Variants in DLGAP2 observed in about 807,000 individuals in gnomAD.
The protein encoded by DLGAP2 is disks large-associated protein 2.
In DLGAP2, 26 loss-of-function variants were observed where a neutral mutation model predicts 100.3. The observed-to-expected ratio is 0.26, with a 90% CI of 0.19 to 0.36. The LOEUF is 0.36. Ranked by LOEUF, DLGAP2 falls within the 10% of genes least tolerant of loss-of-function variation. The pLI is 1.00. For missense variants in DLGAP2, 1,858 were observed against 1,453.2 expected, an observed-to-expected ratio of 1.28 and a Z score of -4.53; for synonymous variants, 886 against 630.1, an observed-to-expected ratio of 1.41 and a Z score of -6.08.
chr8:1,207,381 C>T (rs1444695344), intron 2 of DLGAP2, among the ~76,000 whole-genome samples: 1 of 152,218 alleles, frequency 6.6e-6, no homozygotes, highest in African/African-American at 2.4e-5. Context: ...TCTCCAACTC[C>T]ATCCAGGCTG....
chr8:1,337,165 G>A (rs1304643360), intron 3 of DLGAP2, among the ~76,000 whole-genome samples: 1 of 149,706 alleles, frequency 6.7e-6, no homozygotes, highest in Non-Finnish European at 1.5e-5. Flanking sequence ...TGATGATGGT[G>A]GTGATGATGA....
At chr8:1,324,961 G>A (rs1308648248) in intron 3 of DLGAP2, among the ~76,000 whole-genome samples, 1 of 152,174 alleles carries the variant, frequency 6.6e-6, no homozygotes, top group Non-Finnish European at 1.5e-5. Flanking sequence ...GGCAGACTCG[G>A]GATGAGAATT....
chr8:1,274,695 CTTTTTTTTTTTTT>C (rs145930765), intron 3 of DLGAP2, among the ~76,000 whole-genome samples: 3 of 22,222 alleles, frequency 1.4e-4, no homozygotes, highest in African/African-American at 2.3e-4. Flanking sequence ...TTTCATTTAT[CTTTTTTTTTTTTT>C]TTTTTTTTTT....
intron 2 of DLGAP2, among the ~76,000 whole-genome samples, chr8:1,124,174 A>C (rs1796112975): frequency 6.6e-6 from 1 of 152,224 alleles, no homozygotes; most frequent in African/African-American, 2.4e-5. Context: ...GACTGATTCA[A>C]TTCTCATAGC....
At chr8:1,390,378 C>A (rs1378547925) in intron 3 of DLGAP2, among the ~76,000 whole-genome samples, 2 of 151,074 alleles carry the variant, frequency 1.3e-5, no homozygotes, top group African/African-American at 4.9e-5. Flanking sequence ...CTTTTTTTTT[C>A]ATTTTCTTCC....
rs1346417527 is a variant in DLGAP2, at chr8:775,406, G to A, written c.18+37581G>A. 2.7e-5 allele frequency among the ~76,000 whole-genome samples: 4 copies of A among 147,526 alleles called. No individual in the cohort carries two copies. The Admixed American group carries it at 2.7e-4, about 10-fold the overall frequency. ...ACTGTGTTGAATAGGAGTGGTGAGAGAGGGCATCCCTGTCTTGTGCCAGTT... is the reference window on the plus strand; with the variant it reads ...ACTGTGTTGAATAGGAGTGGTGAGAAAGGGCATCCCTGTCTTGTGCCAGTT... On this transcript the variant is annotated intron_variant, in intron 1 of 14. Coordinates refer to ENST00000637795, the MANE Select transcript of DLGAP2 (RefSeq NM_001346810.2).
intron 1 of DLGAP2, among the ~76,000 whole-genome samples, chr8:763,150 G>T (rs562958487): frequency 6.6e-6 from 1 of 152,200 alleles, no homozygotes; most frequent in Non-Finnish European, 1.5e-5. Flanking sequence ...ACGAAGCTGA[G>T]CCCAGGCTGA....
intron 6 of DLGAP2, among the ~76,000 whole-genome samples, chr8:1,579,855 T>A (rs1803153544): frequency 1.3e-5 from 2 of 152,168 alleles, no homozygotes; most frequent in African/African-American, 4.8e-5. Context: ...GTGGGGGCAC[T>A]AAGGAAGCCC....
At chr8:1,459,405 G>C (rs1234518089) in intron 3 of DLGAP2, among the ~76,000 whole-genome samples, 2 of 152,246 alleles carry the variant, frequency 1.3e-5, no homozygotes, top group Non-Finnish European at 2.9e-5. Context: ...CACGTTCAGA[G>C]ATTGTCACTT....
At chr8:1,177,341 C>G (rs1031137030) in intron 2 of DLGAP2, among the ~76,000 whole-genome samples, 1 of 152,066 alleles carries the variant, frequency 6.6e-6, no homozygotes, top group Non-Finnish European at 1.5e-5. Context: ...ATATCATAAG[C>G]CTGGCTGTTT....
At chr8:1,585,341 G>A (rs28758512) in intron 6 of DLGAP2, among the ~76,000 whole-genome samples, 86,913 of 151,790 alleles carry the variant, frequency 0.57, 25,773 homozygotes, top group African/African-American at 0.74. Flanking sequence ...GCCCGTGCCT[G>A]TAATCCCAGG....
At chr8:777,538 C>T (rs1220590296) in intron 1 of DLGAP2, among the ~76,000 whole-genome samples, 2 of 151,744 alleles carry the variant, frequency 1.3e-5, no homozygotes, top group Non-Finnish European at 2.9e-5. Flanking sequence ...TCTTTTAGGG[C>T]AGGCCTGGTG....
rs903799264 is a variant in DLGAP2 at position 1,155,197 on chromosome 8, G to C, written c.74-103654G>C. On this transcript the variant is annotated intron_variant, in intron 2 of 14. Transcript: ENST00000637795. ...TCTCTCCTCTGCCCAGCACACACCA[G>C]GGTTTCTAGGAACGCTTGCTGGATG... Among the ~76,000 whole-genome samples the C allele has an allele frequency of 2.6e-5, 4 of 152,196 alleles. No homozygotes were observed. In the South Asian group the frequency reaches 6.2e-4, roughly 24 times the overall value.
intron 3 of DLGAP2, among the ~76,000 whole-genome samples, chr8:1,312,739 A>G (rs1199793395): frequency 6.6e-6 from 1 of 152,254 alleles, no homozygotes; most frequent in East Asian, 1.9e-4. Flanking sequence ...GACTCAGTTA[A>G]TTAACTTGGA....
chr8:1,306,741 C>T (rs1255772411), intron 3 of DLGAP2, among the ~76,000 whole-genome samples: 1 of 152,116 alleles, frequency 6.6e-6, no homozygotes, highest in Non-Finnish European at 1.5e-5. Flanking sequence ...GAAATAAACC[C>T]TGGTGTATAT....
chr8:1,465,217 GC>G, intron 3 of DLGAP2, among the ~76,000 whole-genome samples: 1 of 152,374 alleles, frequency 6.6e-6, no homozygotes, highest in African/African-American at 2.4e-5. Flanking sequence ...CGAGGCTCCT[GC>G]AAGCCCCCCA....
At chr8:1,672,962 C>T (rs747116956) in intron 10 of DLGAP2, among the ~76,000 whole-genome samples, 5 of 152,210 alleles carry the variant, frequency 3.3e-5, no homozygotes, top group African/African-American at 1.2e-4. Flanking sequence ...CTGCCAGCCC[C>T]GCCCACTTTC....
At chr8:842,621 G>T (rs569663261) in intron 1 of DLGAP2, among the ~76,000 whole-genome samples, 3 of 72,044 alleles carry the variant, frequency 4.2e-5, no homozygotes, top group Non-Finnish European at 6.3e-5. Flanking sequence ...ACGAATTATA[G>T]CTTCTAACAT....
At chr8:959,191 G>A (rs1432231275) in intron 2 of DLGAP2, among the ~76,000 whole-genome samples, 6 of 152,150 alleles carry the variant, frequency 3.9e-5, no homozygotes, top group African/African-American at 7.2e-5. Context: ...TTGCTTATAC[G>A]TCTCCAAAAG....
Sources: gnomAD v4.1 joint callset for allele counts (sites outside exome capture counted in the v4.1 genomes callset) on GRCh38, gnomAD v4.1.1 for gene constraint, MANE v1.5 for transcripts, NCBI Gene and HGNC (gene_info 2026-07-23, HGNC 2026-07-21) for gene names.